The following MAN2A1 variants were observed in gnomAD, a reference collection of about 807,000 sequenced individuals.
MAN2A1 encodes the protein mannosidase alpha class 2A member 1.
A neutral mutation model predicts 142.6 loss-of-function variants in MAN2A1; 76 were observed. The ratio of observed to expected loss-of-function variants is 0.53; its 90% CI spans 0.44 to 0.65. The LOEUF (loss-of-function observed/expected upper bound fraction) is 0.65. Among genes scored for constraint, MAN2A1 ranks in the 30% least tolerant of loss-of-function variants. MAN2A1 has a pLI of 0.00. For missense variants in MAN2A1, 1,311 were observed against 1,365.1 expected (o/e 0.96, Z 0.62); for synonymous variants, 559 against 473.2 (o/e 1.18, Z -2.35).
At chr5:109,737,555 A>G (rs746528990) in intron 4 of MAN2A1, among the ~76,000 whole-genome samples, 1 of 151,610 alleles carries the variant, frequency 6.6e-6, no homozygotes, top group Non-Finnish European at 1.5e-5. Flanking sequence ...CTAATTCCGT[A>G]TTTTACAACT....
At chr5:109,783,581 A>AC (rs1753516524) in intron 9 of MAN2A1, among the ~76,000 whole-genome samples, 1 of 152,124 alleles carries the variant, frequency 6.6e-6, no homozygotes, top group Admixed American at 6.6e-5. Flanking sequence ...CAGTTTAGAG[A>AC]AATGCATCAT....
chr5:109,690,038 C>T lies in MAN2A1; in HGVS notation c.-380C>T. The T allele has an allele frequency of 4.6e-6, 1 of 219,452 alleles. No homozygotes were observed. The highest frequency in any genetic ancestry group is 9.2e-6 in the Non-Finnish European group (1 of 108,684). 13.6% of individuals were successfully genotyped at this position (219,452 alleles called of 1,614,324 possible). On this transcript the variant is annotated 5_prime_UTR_variant, in exon 1 of 22. Transcript: ENST00000261483. ...GCCTGCCCTCGTCGAGAAAACTTTT[C>T]CTGCCGACTCAGTTGGGGCGGCGGT...
At chr5:109,809,351 CTCT>C (rs1202774155) in intron 12 of MAN2A1, among the ~76,000 whole-genome samples, 4 of 151,766 alleles carry the variant, frequency 2.6e-5, no homozygotes, top group African/African-American at 9.7e-5. Flanking sequence ...CCTCTTTGTG[CTCT>C]TCATTTTTCC....
chr5:109,832,161 C>CTTTTTTTTTTTTTTTT (rs70999945), intron 16 of MAN2A1, among the ~76,000 whole-genome samples: 16 of 51,214 alleles, frequency 3.1e-4, no homozygotes, highest in East Asian at 5.4e-4. Flanking sequence ...AAGGAGTTTT[C>CTTTTTTTTTTTTTTTT]TTTTTTTTTT....
In MAN2A1 at chr5:109,755,404, T is replaced by C; in HGVS notation, c.783T>C (p.Phe261=). 1 of 1,610,662 alleles carries C rather than the reference T, an allele frequency of 6.2e-7. No homozygotes were observed. Among genetic ancestry groups the C allele is most frequent in the South Asian group, 1.1e-5 (1 of 91,010 alleles). The change falls in exon 5 of 22, where the codon TTT becomes TTC. Residue 261 remains phenylalanine, a synonymous_variant. Coordinates refer to ENST00000261483, the MANE Select transcript of MAN2A1 (RefSeq NM_002372.4). ...VMPDEATPHY[F]ALIDQLIEGH... Reference sequence around the variant, plus strand: ...CTGATGAAGCTACTCCACATTATTTTGCCTTAATTGATCAACTAATTGAAG... The same window carrying C: ...CTGATGAAGCTACTCCACATTATTTCGCCTTAATTGATCAACTAATTGAAG...
chr5:109,763,957 G>A (rs143129107), intron 5 of MAN2A1, among the ~76,000 whole-genome samples: 14 of 151,826 alleles, frequency 9.2e-5, no homozygotes, highest in African/African-American at 2.7e-4. Context: ...GCTTGTCACC[G>A]CACCTGGCTA....
chr5:109,742,259 A>G (rs558537090), intron 4 of MAN2A1, among the ~76,000 whole-genome samples: 6 of 152,310 alleles, frequency 3.9e-5, no homozygotes, highest in African/African-American at 1.2e-4. Flanking sequence ...AACAGTTTAT[A>G]TATTCACCAA....
At chr5:109,788,219 G>GAAAAAA (rs5870389) in intron 10 of MAN2A1, among the ~76,000 whole-genome samples, 1 of 144,686 alleles carries the variant, frequency 6.9e-6, no homozygotes, top group Non-Finnish European at 1.5e-5. Flanking sequence ...ACTGAATTAG[G>GAAAAAA]AAAAAAAAAA....
At position 109,867,057 on chromosome 5, in the gene MAN2A1, G is replaced by A. The variant is rs868599379; in HGVS notation, c.*59G>A. On this transcript the variant is annotated 3_prime_UTR_variant, in exon 22 of 22. Coordinates refer to ENST00000261483, the MANE Select transcript of MAN2A1 (RefSeq NM_002372.4). ...GCTTTTATACCTTTCTTGGTTTGAC[G>A]TGCAATAAAGAAGCACATTATTTTA... is the stretch of plus-strand genomic sequence containing the variant. The A allele has an allele frequency of 3.1e-5, 43 of 1,396,118 alleles. 2 individuals carry two copies. In the Middle Eastern group the frequency reaches 5.6e-3, roughly 182 times the overall value. 86.5% of individuals were successfully genotyped at this position (1,396,118 alleles called of 1,614,324 possible).
chr5:109,821,958 C>G (rs1304823177), intron 15 of MAN2A1, among the ~76,000 whole-genome samples: 7 of 151,390 alleles, frequency 4.6e-5, no homozygotes, highest in African/African-American at 1.7e-4. Flanking sequence ...TATAGGTTTT[C>G]TATACCTCAA....
At chr5:109,825,214 A>C (rs896209136) in intron 16 of MAN2A1, among the ~76,000 whole-genome samples, 1 of 152,174 alleles carries the variant, frequency 6.6e-6, no homozygotes, top group African/African-American at 2.4e-5. Flanking sequence ...GCTCTAAGTT[A>C]CATCTTCAAC....
intron 16 of MAN2A1, among the ~76,000 whole-genome samples, chr5:109,836,384 G>A (rs1418076752): frequency 2.0e-5 from 3 of 151,366 alleles, no homozygotes; most frequent in Non-Finnish European, 4.4e-5. Flanking sequence ...CCAAAGTACT[G>A]GAATTACAGG....
chr5:109,767,384 T>C (rs1007274600), intron 5 of MAN2A1, 151 bp from the exon 6 acceptor site: 1 of 549,548 alleles, frequency 1.8e-6, no homozygotes, highest in African/African-American at 1.9e-5. Flanking sequence ...GATATCTTGC[T>C]GGGAATACTT....
rs1180339472 is a variant in MAN2A1, at chr5:109,865,065, C to A, written c.3201C>A (p.Ala1067=). The A allele has an allele frequency of 6.2e-7, 1 of 1,614,030 alleles. No individual in the cohort carries two copies. Among genetic ancestry groups the A allele is most frequent in the Admixed American group, 1.7e-5 (1 of 60,014 alleles). The change falls in exon 21 of 22, where the codon GCC becomes GCA. Residue 1067 remains alanine (A), a synonymous_variant. Coordinates refer to ENST00000261483, the MANE Select transcript of MAN2A1 (RefSeq NM_002372.4). ...GCAATGGGCACTCCAATGAGGCAGC[C>A]TTGATCCTCCACAGAAAAGGGTTTG... ...KVGNGHSNEA[A]LILHRKGFDC...
intron 4 of MAN2A1, among the ~76,000 whole-genome samples, chr5:109,736,651 G>T (rs989631853): frequency 2.6e-5 from 4 of 152,044 alleles, no homozygotes; most frequent in Non-Finnish European, 4.4e-5. Flanking sequence ...CCCATGTGTA[G>T]TTATTTTTGC....
intron 5 of MAN2A1, among the ~76,000 whole-genome samples, chr5:109,765,907 A>G (rs1219274410): frequency 6.6e-6 from 1 of 151,982 alleles, no homozygotes; most frequent in Admixed American, 6.6e-5. Context: ...ATTCCAGGCT[A>G]TCATGTACTT....
rs951632379 is a variant in MAN2A1, at chr5:109,747,419, T to C, written c.708-7910T>C. 2.0e-5 allele frequency among the ~76,000 whole-genome samples: 3 copies of C among 152,336 alleles called. No individual in the cohort carries two copies. The South Asian group carries it at 6.2e-4, about 32-fold the overall frequency. On this transcript the variant is annotated intron_variant, in intron 4 of 21. Transcript: ENST00000261483. ...TGAATTTCACTAGTTTTCTGTGATA[T>C]CGTTTTTAATGGCTGAATAATGTTC... is the stretch of plus-strand genomic sequence containing the variant.
At chr5:109,799,132 G>A (rs187438038) in intron 12 of MAN2A1, among the ~76,000 whole-genome samples, 79 of 152,268 alleles carry the variant, frequency 5.2e-4, no homozygotes, top group East Asian at 2.5e-3. Context: ...ATTTGTTGGC[G>A]GAGTTTAATA....
intron 7 of MAN2A1, among the ~76,000 whole-genome samples, chr5:109,772,352 G>A (rs910115847): frequency 1.3e-5 from 2 of 152,224 alleles, no homozygotes; most frequent in Non-Finnish European, 2.9e-5. Flanking sequence ...CTGGGTGACA[G>A]AGTGAGACTT....
Sources: gnomAD v4.1 joint callset for allele counts (sites outside exome capture counted in the v4.1 genomes callset) on GRCh38, gnomAD v4.1.1 for gene constraint, MANE v1.5 for transcripts, NCBI Gene and HGNC (gene_info 2026-07-23, HGNC 2026-07-21) for gene names.